Variants in SLC14A2 observed in about 807,000 individuals in gnomAD.
The protein encoded by SLC14A2 is solute carrier family 14 member 2.
SLC14A2 carries 91 observed loss-of-function variants against 104.6 expected under a neutral mutation model. That is an observed-to-expected ratio of 0.87 (90% CI 0.73 to 1.04). The LOEUF is 1.04. Ranked by LOEUF, SLC14A2 falls within the 50% of genes least tolerant of loss-of-function variation. The pLI, the probability that SLC14A2 is intolerant of heterozygous loss-of-function variation, is 0.00. For missense variants in SLC14A2, 1,189 were observed against 1,156.0 expected (o/e 1.03, Z -0.41); for synonymous variants, 476 against 466.4 (o/e 1.02, Z -0.27).
intron 2 of SLC14A2, among the ~76,000 whole-genome samples, chr18:45,561,698 C>T (rs1239235134): frequency 1.3e-5 from 2 of 152,178 alleles, no homozygotes; most frequent in African/African-American, 4.8e-5. Flanking sequence ...CCTCCCTCTC[C>T]AGCAACAACC....
chr18:45,272,491 C>G (rs1284285522), intron 1 of SLC14A2, among the ~76,000 whole-genome samples: 1 of 151,966 alleles, frequency 6.6e-6, no homozygotes, highest in Non-Finnish European at 1.5e-5. Context: ...GAAAGAGAAA[C>G]ATCACATGTT....
rs2046092402 is a variant in SLC14A2 at position 45,669,479 on chromosome 18, C to G, written c.2210C>G (p.Ser737Ter). The change falls in exon 16 of 20, where the codon TCA becomes TGA. Residue 737 changes from serine to a stop codon, truncating the protein, a stop_gained. Coordinates refer to ENST00000255226, the MANE Select transcript of SLC14A2 (RefSeq NM_007163.4). LOFTEE classifies it high-confidence loss of function. ...PASAMPNITW[S>*]EVQVPLLLRA... ...TCCGCCATGCCCAACATCACCTGGT[C>G]AGAGGTCCAAGTGCCCTTGGTACGT... 1 of 1,613,478 alleles carries G rather than the reference C, an allele frequency of 6.2e-7. No individual in the cohort carries two copies. The highest frequency in any genetic ancestry group is 8.5e-7 in the Non-Finnish European group (1 of 1,179,672).
rs139120470 is a variant in SLC14A2 at position 45,659,385 on chromosome 18, A to T, written c.1352-4400A>T. On this transcript the variant is annotated intron_variant, in intron 10 of 19. Transcript: ENST00000255226. ...ACAAAATTTACTCTTGAGCTATAGA[A>T]TGCCCAGCCTCACCTCAAAAGAGCT... 4.1e-3 allele frequency among the ~76,000 whole-genome samples: 626 copies of T among 152,370 alleles called. 3 individuals carry two copies. Among genetic ancestry groups the T allele is most frequent in the African/African-American group, 0.013 (545 of 41,596 alleles).
At chr18:45,407,911 G>C (rs9959712) in intron 1 of SLC14A2, among the ~76,000 whole-genome samples, 3,005 of 152,192 alleles carry the variant, frequency 0.02, 99 homozygotes, top group African/African-American at 0.069. Flanking sequence ...CACCATAACA[G>C]ATATAATGGT....
chr18:45,322,521 T>G (rs1341499148), intron 1 of SLC14A2, among the ~76,000 whole-genome samples: 6 of 152,346 alleles, frequency 3.9e-5, no homozygotes, highest in Non-Finnish European at 5.9e-5. Context: ...CACAATCGAT[T>G]TGATAAATGT....
At chr18:45,207,227 T>C in the SLC14A2 span, among the ~76,000 whole-genome samples, 1 of 152,146 alleles carries the variant, frequency 6.6e-6, no homozygotes, top group Non-Finnish European at 1.5e-5. Flanking sequence ...ATTTTCTTAT[T>C]TGAATGTTTA....
rs371437384 is a variant in SLC14A2 at position 45,665,688 on chromosome 18, C to CTTTCTTTTT, written c.1475-446_1475-445insCTTTTTTTT. Among the ~76,000 whole-genome samples the CTTTCTTTTT allele has an allele frequency of 1.1e-4, 9 of 79,302 alleles. 1 individual carries two copies. Among genetic ancestry groups the CTTTCTTTTT allele is most frequent in the African/African-American group, 5.0e-4 (9 of 18,134 alleles). 52.0% of individuals were successfully genotyped at this position (79,302 alleles called of 152,430 possible). On this transcript the variant is annotated intron_variant, in intron 11 of 19. Coordinates refer to ENST00000255226, the MANE Select transcript of SLC14A2 (RefSeq NM_007163.4). ...AAGGGCTTCAACAACAACCAAGTTT[C>CTTTCTTTTT]TTTTTTTTTTTTTTTTTTTTTTTTT...
At chr18:45,252,694 C>T (rs895516731) in intron 1 of SLC14A2, among the ~76,000 whole-genome samples, 1 of 152,012 alleles carries the variant, frequency 6.6e-6, no homozygotes, top group Non-Finnish European at 1.5e-5. Flanking sequence ...TGAGAAAGCT[C>T]AGACTCTCTA....
chr18:45,372,966 A>G (rs185675300), intron 1 of SLC14A2, among the ~76,000 whole-genome samples: 170 of 152,334 alleles, frequency 1.1e-3, no homozygotes, highest in African/African-American at 3.5e-3. Context: ...TTAAATTTTC[A>G]GCACAATTTG....
intron 2 of SLC14A2, among the ~76,000 whole-genome samples, chr18:45,520,483 C>T (rs1412473651): frequency 1.1e-4 from 16 of 152,170 alleles, no homozygotes; most frequent in East Asian, 1.9e-4. Flanking sequence ...TGGTACTAAG[C>T]ACTAAATAAA....
intron 1 of SLC14A2, among the ~76,000 whole-genome samples, chr18:45,316,382 G>C (rs1290091481): frequency 6.6e-6 from 1 of 152,194 alleles, no homozygotes; most frequent in Non-Finnish European, 1.5e-5. Context: ...GAGGAGGTCG[G>C]AGTGTGGGAT....
upstream of SLC14A2, among the ~76,000 whole-genome samples, chr18:45,209,039 A>ACT (rs1367834581): frequency 6.7e-6 from 1 of 149,998 alleles, no homozygotes; most frequent in South Asian, 2.1e-4. Flanking sequence ...AAAAAAAAAA[A>ACT]AACAACAACA....
chr18:45,632,631 T>C (rs1356102216), intron 5 of SLC14A2, among the ~76,000 whole-genome samples, 153 bp downstream of exon 5: 1 of 152,222 alleles, frequency 6.6e-6, no homozygotes, highest in Non-Finnish European at 1.5e-5. Context: ...ATGAGTTCTC[T>C]TGTAACACAA....
chr18:45,553,198 T>G (rs2144288398), intron 2 of SLC14A2, among the ~76,000 whole-genome samples: 1 of 152,334 alleles, frequency 6.6e-6, no homozygotes, highest in African/African-American at 2.4e-5. Flanking sequence ...GGCAAACACT[T>G]GATGTCCACA....
chr18:45,236,213 GTGTGTATATATGTGTATATATACATA>G (rs1159734367), intron 1 of SLC14A2, among the ~76,000 whole-genome samples: 5 of 53,848 alleles, frequency 9.3e-5, no homozygotes, highest in African/African-American at 1.8e-4. Flanking sequence ...ATACATATAT[GTGTGTATATATGTGTATATATACATA>G]TATGTGTGTA....
chr18:45,233,818 C>A, intron 1 of SLC14A2, among the ~76,000 whole-genome samples: 1 of 129,102 alleles, frequency 7.7e-6, no homozygotes, highest in Non-Finnish European at 1.6e-5. Flanking sequence ...AAAGCATTTG[C>A]CAGTGGTCAT....
chr18:45,548,102 A>G (rs2044001069), intron 2 of SLC14A2, among the ~76,000 whole-genome samples: 1 of 152,238 alleles, frequency 6.6e-6, no homozygotes. Context: ...TATGGGAGGC[A>G]GGAGTCAAAA....
intron 2 of SLC14A2, among the ~76,000 whole-genome samples, chr18:45,541,706 G>A (rs573594196): frequency 3.3e-5 from 5 of 152,362 alleles, no homozygotes; most frequent in East Asian, 3.9e-4. Context: ...GATAAGGCAA[G>A]ATCTAGATGT....
At chr18:45,280,670 T>G (rs2084753248) in intron 1 of SLC14A2, among the ~76,000 whole-genome samples, 1 of 152,132 alleles carries the variant, frequency 6.6e-6, no homozygotes, top group Non-Finnish European at 1.5e-5. Context: ...GAGGCATTTG[T>G]CATTGGGGTT....
Sources: gnomAD v4.1 joint callset for allele counts (sites outside exome capture counted in the v4.1 genomes callset) on GRCh38, gnomAD v4.1.1 for gene constraint, MANE v1.5 for transcripts, NCBI Gene and HGNC (gene_info 2026-07-23, HGNC 2026-07-21) for gene names.